NKAIN3: variants seen among roughly 807,000 people sequenced by gnomAD.
NKAIN3 encodes sodium/potassium transporting ATPase interacting 3, also known as sodium/potassium-transporting ATPase subunit beta-1-interacting protein 3.
Under a neutral mutation model 30.2 loss-of-function variants are expected in NKAIN3, and 25 were observed. The ratio of observed to expected loss-of-function variants is 0.83; its 90% CI spans 0.60 to 1.16. NKAIN3 has a LOEUF of 1.16. Ranked by LOEUF, NKAIN3 falls within the 50% of genes most tolerant of loss-of-function variation. NKAIN3 has a pLI of 0.00. For synonymous variants in NKAIN3, 91 were observed against 89.6 expected (o/e 1.02, Z -0.09); for missense variants, 225 against 254.1 (o/e 0.89, Z 0.78).
At chr8:62,691,339 C>T (rs555392109) in intron 3 of NKAIN3, among the ~76,000 whole-genome samples, 2 of 152,092 alleles carry the variant, frequency 1.3e-5, no homozygotes, top group South Asian at 2.1e-4. Flanking sequence ...GACATTCCAC[C>T]GTGTCTGATC....
intron 4 of NKAIN3, among the ~76,000 whole-genome samples, chr8:62,889,241 G>T (rs1393420261): frequency 1.3e-5 from 2 of 151,866 alleles, no homozygotes; most frequent in African/African-American, 4.8e-5. Context: ...ATGGTGGCAG[G>T]TGCCTGTAAT....
chr8:62,400,673 A>G (rs1262576144), intron 1 of NKAIN3, among the ~76,000 whole-genome samples: 1 of 150,420 alleles, frequency 6.6e-6, no homozygotes, highest in Non-Finnish European at 1.5e-5. Context: ...GTTTCACTGG[A>G]TATACTATTC....
At chr8:62,849,739 G>A (rs1819822763) in intron 4 of NKAIN3, among the ~76,000 whole-genome samples, 1 of 151,428 alleles carries the variant, frequency 6.6e-6, no homozygotes, top group Admixed American at 6.6e-5. Flanking sequence ...TTTGCTGAGA[G>A]TGATGGTTTC....
At chr8:62,354,697 C>A (rs1004241770) in intron 1 of NKAIN3, among the ~76,000 whole-genome samples, 1 of 152,190 alleles carries the variant, frequency 6.6e-6, no homozygotes, top group African/African-American at 2.4e-5. Context: ...CCTGCCTCGG[C>A]CTTCCAAAGT....
At chr8:62,688,483 A>G (rs1660309806) in intron 3 of NKAIN3, among the ~76,000 whole-genome samples, 1 of 152,178 alleles carries the variant, frequency 6.6e-6, no homozygotes, top group Admixed American at 6.5e-5. Flanking sequence ...TCATTCATTC[A>G]TTTATTCATA....
intron 4 of NKAIN3, among the ~76,000 whole-genome samples, chr8:62,820,612 G>A (rs1383155): frequency 0.27 from 40,407 of 151,966 alleles, 5,642 homozygotes; most frequent in East Asian, 0.37. Context: ...GTCTATTGTA[G>A]AATGAGAAGA....
chr8:62,899,038 T>C (rs1821521308), intron 4 of NKAIN3, among the ~76,000 whole-genome samples: 1 of 152,180 alleles, frequency 6.6e-6, no homozygotes, highest in African/African-American at 2.4e-5. Context: ...GAATATCATC[T>C]CAATCCAGTT....
intron 1 of NKAIN3, among the ~76,000 whole-genome samples, chr8:62,280,291 T>C (rs1314422953): frequency 6.6e-6 from 1 of 152,220 alleles, no homozygotes; most frequent in Non-Finnish European, 1.5e-5. Context: ...TGATGGAGTT[T>C]TCTAAATATA....
intron 5 of NKAIN3, among the ~76,000 whole-genome samples, chr8:62,924,036 T>C (rs967377812): frequency 2.0e-5 from 3 of 152,172 alleles, no homozygotes; most frequent in African/African-American, 7.2e-5. Context: ...CCTAAAAGAT[T>C]GCCTATCTCC....
chr8:62,355,259 A>T (rs1816311201), intron 1 of NKAIN3, among the ~76,000 whole-genome samples: 1 of 152,214 alleles, frequency 6.6e-6, no homozygotes, highest in Non-Finnish European at 1.5e-5. Flanking sequence ...TGATGCGTAG[A>T]TTCCTATTTT....
chr8:62,992,352 A>T (rs1173887739), intron 5 of NKAIN3, among the ~76,000 whole-genome samples: 2 of 151,816 alleles, frequency 1.3e-5, no homozygotes, highest in African/African-American at 4.9e-5. Context: ...TGTATCTCTG[A>T]TCTCTCTGTA....
chr8:62,588,030 A>G (rs752595830), intron 2 of NKAIN3, among the ~76,000 whole-genome samples: 3 of 151,936 alleles, frequency 2.0e-5, no homozygotes, highest in African/African-American at 4.8e-5. Context: ...TTTTGTAATT[A>G]ATTTAGTTTA....
intron 1 of NKAIN3, among the ~76,000 whole-genome samples, chr8:62,559,915 A>C (rs1010850628): frequency 6.6e-6 from 1 of 151,918 alleles, no homozygotes; most frequent in African/African-American, 2.4e-5. Context: ...TATTTTGAGA[A>C]CTCTCTTTAG....
At chr8:62,598,432 G>A (rs1810897910) in intron 3 of NKAIN3, among the ~76,000 whole-genome samples, 1 of 151,920 alleles carries the variant, frequency 6.6e-6, no homozygotes, top group East Asian at 1.9e-4. Context: ...GGGAGGGTGG[G>A]GACATAACTC....
intron 4 of NKAIN3, among the ~76,000 whole-genome samples, chr8:62,877,734 C>T (rs1348821020): frequency 5.3e-5 from 8 of 152,058 alleles, no homozygotes; most frequent in African/African-American, 1.7e-4. Flanking sequence ...ATAGTATCAA[C>T]AAAGAGAAAG....
In NKAIN3 at chr8:62,366,972, G is replaced by A. The variant is rs549155388; in HGVS notation, c.54+117845G>A. 2.6e-5 allele frequency among the ~76,000 whole-genome samples: 4 copies of A among 151,946 alleles called. No homozygotes were observed. In the East Asian group the frequency reaches 7.7e-4, roughly 29 times the overall value. ...ACTCTTGGTTATTTAGGAGCATGTT[G>A]TTTCATTTCCACATATTTGTTAATT... On this transcript the variant is annotated intron_variant, in intron 1 of 6. Coordinates refer to ENST00000623646, the MANE Select transcript of NKAIN3 (RefSeq NM_001304533.3).
chr8:62,813,667 T>A (rs1423651690), intron 4 of NKAIN3, among the ~76,000 whole-genome samples: 1 of 151,964 alleles, frequency 6.6e-6, no homozygotes, highest in East Asian at 1.9e-4. Flanking sequence ...TCCACTCTTG[T>A]TTGTGTTTGT....
At chr8:62,876,476 G>T (rs1267236659) in intron 4 of NKAIN3, among the ~76,000 whole-genome samples, 1 of 152,084 alleles carries the variant, frequency 6.6e-6, no homozygotes, top group African/African-American at 2.4e-5. Flanking sequence ...TATACCCAAA[G>T]TAATATAAGT....
In NKAIN3 at chr8:62,978,756, T is replaced by G. The variant is rs1458711274; in HGVS notation, c.*13349T>G. On this transcript the variant is annotated 3_prime_UTR_variant, in exon 7 of 7. Transcript: ENST00000623646. ...GTCTCTCTGGCATTCCAGACAACTC[T>G]GGGGTACGAAAAAAACTCCTACAGC... The G allele has an allele frequency of 6.5e-6, 1 of 153,000 alleles. No individual in the cohort carries two copies. Among genetic ancestry groups the G allele is most frequent in the Non-Finnish European group, 1.5e-5 (1 of 68,310 alleles). 9.5% of individuals were successfully genotyped at this position (153,000 alleles called of 1,614,324 possible).
Sources: gnomAD v4.1 joint callset for allele counts (sites outside exome capture counted in the v4.1 genomes callset) on GRCh38, gnomAD v4.1.1 for gene constraint, MANE v1.5 for transcripts, NCBI Gene and HGNC (gene_info 2026-07-23, HGNC 2026-07-21) for gene names.